Variants in BBS5 observed in about 807,000 individuals in gnomAD.
The protein encoded by BBS5 is Bardet-Biedl syndrome 5.
A neutral mutation model predicts 50.2 loss-of-function variants in BBS5; 39 were observed. The observed-to-expected ratio is 0.78, with a 90% confidence interval of 0.60 to 1.01. The LOEUF (loss-of-function observed/expected upper bound fraction) is 1.01. Ranked by LOEUF, BBS5 falls within the 50% of genes least tolerant of loss-of-function variation. The pLI is 0.00. For missense variants in BBS5, 356 were observed against 401.5 expected, an observed-to-expected ratio of 0.89 and a Z score of 0.97; for synonymous variants, 134 against 133.1, an observed-to-expected ratio of 1.01 and a Z score of -0.05.
rs1227620269 is a variant in BBS5, at chr2:169,506,402, C to T, written c.*1820C>T. On this transcript the variant is annotated 3_prime_UTR_variant, in exon 12 of 12. Coordinates refer to ENST00000295240, the MANE Select transcript of BBS5 (RefSeq NM_152384.3). ...AAAGATTGAGAAATCGGATGGTTGC[C>T]GTGTCTGTGTAGAAAGAAGTAGACA... 1.1e-5 allele frequency: 2 copies of T among 182,900 alleles called. No individual in the cohort carries two copies. The highest frequency in any genetic ancestry group is 1.6e-4 in the East Asian group (1 of 6,128). 11.3% of individuals were successfully genotyped at this position (182,900 alleles called of 1,614,324 possible).
At position 169,499,588 on chromosome 2, in the gene BBS5, A is replaced by G; in HGVS notation, c.784A>G (p.Ile262Val). The G allele has an allele frequency of 6.2e-7, 1 of 1,613,986 alleles. No homozygotes were observed. The highest frequency in any genetic ancestry group is 8.5e-7 in the Non-Finnish European group (1 of 1,179,886). The change falls in exon 9 of 12, where the codon ATA becomes GTA. Residue 262 changes from isoleucine (I) to valine (V), a missense_variant. Physicochemically the swap from Ile to Val is conservative, Grantham distance 29 (BLOSUM62 3). Transcript: ENST00000295240. ...SLHKVYSASP[I>V]FGVDYEMEEK... Reference sequence around the variant, plus strand: ...TCACAAAGTCTATTCTGCCAGTCCCATATTTGGAGTTGATTATGAGATGGA... The same window carrying G: ...TCACAAAGTCTATTCTGCCAGTCCCGTATTTGGAGTTGATTATGAGATGGA...
chr2:169,493,929 C>A, intron 7 of BBS5, 93 bp downstream of exon 7: 1 of 803,252 alleles, frequency 1.2e-6, no homozygotes, highest in Non-Finnish European at 2.1e-6. Context: ...TTCTTTCTCC[C>A]TTTTTTAAGT....
rs374599471 is a variant in BBS5 at position 169,506,031 on chromosome 2, G to A, written c.*1449G>A. ...GGATCAGCCCCCCGCCCGGCTAGCC[G>A]CCCCGTCCGGGAGGCGAGGGGCGCC... On this transcript the variant is annotated 3_prime_UTR_variant, in exon 12 of 12. Coordinates refer to ENST00000295240, the MANE Select transcript of BBS5 (RefSeq NM_152384.3). The A allele has an allele frequency of 5.6e-5, 8 of 142,812 alleles. No homozygotes were observed. Among genetic ancestry groups the A allele is most frequent in the East Asian group, 2.3e-4 (1 of 4,388 alleles). The allele number at this position is 142,812 out of a possible 1,614,324, so 8.8% of individuals were successfully genotyped here. A position where few individuals can be genotyped will look rare whatever the true frequency, so the allele number is the denominator to read the frequency against.
chr2:169,503,256 G>C, intron 10 of BBS5, 78 bp downstream of exon 10: 20 of 1,120,228 alleles, frequency 1.8e-5, no homozygotes, highest in Non-Finnish European at 2.7e-5. Flanking sequence ...TGGTGTGTGT[G>C]AAACACCATA....
In BBS5 at chr2:169,505,127, G is replaced by A. The variant is rs763310295; in HGVS notation, c.*545G>A. 4.1e-5 allele frequency: 33 copies of A among 803,502 alleles called. No individual in the cohort carries two copies. The highest frequency in any genetic ancestry group is 6.3e-5 in the Non-Finnish European group (31 of 491,318). The allele number at this position is 803,502 out of a possible 1,614,324, so 49.8% of individuals were successfully genotyped here. A position where few individuals can be genotyped will look rare whatever the true frequency, so the allele number is the denominator to read the frequency against. On this transcript the variant is annotated 3_prime_UTR_variant, in exon 12 of 12. Coordinates refer to ENST00000295240, the MANE Select transcript of BBS5 (RefSeq NM_152384.3). Reference sequence around the variant, plus strand: ...GCGCCGCCACACCTGACTGGTTTTCGTATTTTTTTGGTGGAGACGGGGTTT... The same window carrying A: ...GCGCCGCCACACCTGACTGGTTTTCATATTTTTTTGGTGGAGACGGGGTTT...
Position 169,497,607 on chromosome 2 carries a change from CTT to C in BBS5, c.619-16_619-15del, listed in dbSNP as rs762885469. ...AGTTAATAAAAACTTGCATGTTTTTCTTTTTCATTTTGTATCTAGCGTTCAAT... is the reference window on the plus strand; with the variant it reads ...AGTTAATAAAAACTTGCATGTTTTTCTTTCATTTTGTATCTAGCGTTCAAT... On this transcript the variant is annotated intron_variant, in intron 7 of 11. Coordinates refer to ENST00000295240, the MANE Select transcript of BBS5 (RefSeq NM_152384.3). 8.3e-4 allele frequency: 1,228 copies of C among 1,485,546 alleles called. 4 individuals carry two copies. Among genetic ancestry groups the C allele is most frequent in the Non-Finnish European group, 8.1e-4 (864 of 1,065,744 alleles). 92.0% of individuals were successfully genotyped at this position (1,485,546 alleles called of 1,614,324 possible). A position where few individuals can be genotyped will look rare whatever the true frequency, so the allele number is the denominator to read the frequency against.
chr2:169,499,265 T>C (rs1369575859), intron 8 of BBS5: 2 of 502,968 alleles, frequency 4.0e-6, no homozygotes, highest in African/African-American at 3.9e-5. Flanking sequence ...TGTCCACATG[T>C]TGCTGCTTCT....
intron 2 of BBS5, among the ~76,000 whole-genome samples, chr2:169,484,485 TA>T (rs1252221174): frequency 6.6e-6 from 1 of 152,124 alleles, no homozygotes; most frequent in African/African-American, 2.4e-5. Context: ...ATTAAGGAGT[TA>T]AAAAATGGAA....
chr2:169,485,018 C>A (rs551746668), intron 2 of BBS5, among the ~76,000 whole-genome samples: 1 of 152,154 alleles, frequency 6.6e-6, no homozygotes. Context: ...AGGAGATATA[C>A]CAAGAGCAAA....
chr2:169,494,041 C>A (rs925817303), intron 7 of BBS5, among the ~76,000 whole-genome samples: 2 of 152,110 alleles, frequency 1.3e-5, no homozygotes, highest in African/African-American at 2.4e-5. Flanking sequence ...TCCAGAGAAG[C>A]AGCACCATTA....
chr2:169,502,680 T>C (rs1298304250), intron 9 of BBS5, among the ~76,000 whole-genome samples: 1 of 152,242 alleles, frequency 6.6e-6, no homozygotes, highest in African/African-American at 2.4e-5. Context: ...TACATTTTAT[T>C]CTTTACCTTT....
intron 9 of BBS5, among the ~76,000 whole-genome samples, chr2:169,500,580 G>A (rs562375692): frequency 6.6e-5 from 10 of 152,306 alleles, no homozygotes; most frequent in African/African-American, 2.4e-4. Context: ...CGGTGCCCCT[G>A]CTGGGGCTTG....
chr2:169,497,341 T>A (rs1305767671), intron 7 of BBS5, among the ~76,000 whole-genome samples: 1 of 152,174 alleles, frequency 6.6e-6, no homozygotes, highest in Non-Finnish European at 1.5e-5. Flanking sequence ...CTCTAATTTT[T>A]AAAAATGTTT....
chr2:169,499,238 T>C, intron 8 of BBS5: 1 of 454,014 alleles, frequency 2.2e-6, no homozygotes, highest in South Asian at 2.4e-5. Flanking sequence ...AGGGCGAGGT[T>C]ACAGATGAAA....
chr2:169,483,516 C>G (rs1029866526), intron 2 of BBS5, among the ~76,000 whole-genome samples: 1 of 152,034 alleles, frequency 6.6e-6, no homozygotes, highest in South Asian at 2.1e-4. Flanking sequence ...TAATAGATGG[C>G]AAGTAGGTAT....
Position 169,505,097 on chromosome 2 carries a change from G to A in BBS5, c.*515G>A. ...AGCCTGCCGAGTGCCTGCGATTACA[G>A]GCGCGCGCCGCCACACCTGACTGGT... On this transcript the variant is annotated 3_prime_UTR_variant, in exon 12 of 12. Transcript: ENST00000295240. 9.5e-7 allele frequency: 1 copy of A among 1,051,580 alleles called. No individual in the cohort carries two copies. The highest frequency in any genetic ancestry group is 1.4e-6 in the Non-Finnish European group (1 of 694,070). 65.1% of individuals were successfully genotyped at this position (1,051,580 alleles called of 1,614,324 possible).
At chr2:169,497,359 G>C (rs1371633041) in intron 7 of BBS5, among the ~76,000 whole-genome samples, 2 of 152,132 alleles carry the variant, frequency 1.3e-5, no homozygotes, top group Non-Finnish European at 2.9e-5. Context: ...TTTACTCCCT[G>C]GAAGTGAGAA....
intron 2 of BBS5, among the ~76,000 whole-genome samples, chr2:169,486,773 A>G (rs1465538315): frequency 1.3e-5 from 2 of 152,174 alleles, no homozygotes; most frequent in Non-Finnish European, 2.9e-5. Flanking sequence ...AACTTCTACC[A>G]AGACAAAAAA....
intron 6 of BBS5, 162 bp downstream of exon 6, chr2:169,493,171 T>G: frequency 2.5e-6 from 2 of 798,350 alleles, no homozygotes; most frequent in South Asian, 1.5e-5. Context: ...ATAACATCCC[T>G]ATTTTCTTTC....
Sources: allele counts gnomAD v4.1 joint callset (sites outside exome capture counted in the v4.1 genomes callset), GRCh38; gene constraint gnomAD v4.1.1; transcripts MANE v1.5; gene names NCBI Gene and HGNC (gene_info 2026-07-23, HGNC 2026-07-21).